The following RALGAPA2 variants were observed in gnomAD, a reference collection of about 807,000 sequenced individuals.
RALGAPA2 encodes the protein Ral GTPase activating protein catalytic subunit alpha 2.
RALGAPA2 carries 139 observed loss-of-function variants against 230.4 expected under a neutral mutation model. The ratio of observed to expected loss-of-function variants is 0.60; its 90% CI spans 0.53 to 0.69. The LOEUF (loss-of-function observed/expected upper bound fraction) is 0.69. Among genes scored for constraint, RALGAPA2 ranks in the 30% least tolerant of loss-of-function variants. The pLI is 0.00. For synonymous variants in RALGAPA2, 847 were observed against 837.8 expected (o/e 1.01, Z -0.19); for missense variants, 2,163 against 2,276.0 (o/e 0.95, Z 1.01).
chr20:20,428,410 A>G (rs1368875941), intron 37 of RALGAPA2, among the ~76,000 whole-genome samples: 1 of 152,244 alleles, frequency 6.6e-6, no homozygotes, highest in East Asian at 1.9e-4. Context: ...AGAAAAAAAA[A>G]TAGCCAAATT....
At chr20:20,502,805 T>C (rs547324155) in intron 35 of RALGAPA2, among the ~76,000 whole-genome samples, 1 of 152,362 alleles carries the variant, frequency 6.6e-6, no homozygotes, top group Non-Finnish European at 1.5e-5. Context: ...CAGAGTTAAA[T>C]GCCTCTTCTT....
intron 3 of RALGAPA2, chr20:20,659,861 C>CAG: frequency 6.9e-6 from 4 of 577,110 alleles, no homozygotes; most frequent in Non-Finnish European, 1.3e-5. Flanking sequence ...CCTGGACCAG[C>CAG]AGAGCATCCC....
At chr20:20,555,760 A>C (rs2064066217) in intron 23 of RALGAPA2, among the ~76,000 whole-genome samples, 1 of 152,182 alleles carries the variant, frequency 6.6e-6, no homozygotes. Context: ...TGTATCCTGC[A>C]ATCTTACATA....
At chr20:20,525,610 T>C (rs1290944575) in intron 28 of RALGAPA2, among the ~76,000 whole-genome samples, 2 of 152,194 alleles carry the variant, frequency 1.3e-5, no homozygotes, top group Non-Finnish European at 2.9e-5. Context: ...ACAGGGCATG[T>C]TTTTAAAGTG....
At chr20:20,465,928 T>C (rs189464091) in intron 37 of RALGAPA2, among the ~76,000 whole-genome samples, 53 of 152,364 alleles carry the variant, frequency 3.5e-4, no homozygotes, top group African/African-American at 1.2e-3. Context: ...AACAGAGGTT[T>C]GAAACTCCAG....
chr20:20,615,246 C>T (rs985161491), intron 13 of RALGAPA2, among the ~76,000 whole-genome samples: 2 of 151,654 alleles, frequency 1.3e-5, no homozygotes, highest in Non-Finnish European at 2.9e-5. Context: ...CTGCAACCTC[C>T]GCCTTCCGGG....
At chr20:20,510,197 G>A (rs2062660558) in intron 33 of RALGAPA2, among the ~76,000 whole-genome samples, 1 of 152,126 alleles carries the variant, frequency 6.6e-6, no homozygotes, top group Non-Finnish European at 1.5e-5. Flanking sequence ...TGACTTAGAT[G>A]AGAAACGTGA....
intron 14 of RALGAPA2, among the ~76,000 whole-genome samples, chr20:20,609,528 C>A (rs926983797): frequency 2.0e-5 from 3 of 151,884 alleles, no homozygotes; most frequent in African/African-American, 7.3e-5. Context: ...AACCAACCAA[C>A]CAACCAAAAA....
intron 16 of RALGAPA2, among the ~76,000 whole-genome samples, chr20:20,600,455 C>G (rs2065605107): frequency 6.6e-6 from 1 of 152,120 alleles, no homozygotes; most frequent in Admixed American, 6.5e-5. Context: ...AAGAAAGAAG[C>G]AGAATAGGCT....
chr20:20,599,712 C>G (rs1046769822), intron 16 of RALGAPA2, among the ~76,000 whole-genome samples: 13 of 152,154 alleles, frequency 8.5e-5, no homozygotes, highest in African/African-American at 2.7e-4. Context: ...AGGCTGGGAG[C>G]CTGTAATCCC....
chr20:20,571,627 G>A lies in RALGAPA2; in HGVS notation c.3001-14C>T. ...CAGTGTCGCCGCCTGTCAAGGAGAT[G>A]ATGTTTCCAGATTAAATCAAGCCCA... On this transcript the variant is annotated splice_polypyrimidine_tract_variant and intron_variant, in intron 22 of 39. Coordinates refer to ENST00000202677, the MANE Select transcript of RALGAPA2 (RefSeq NM_020343.4). The A allele has an allele frequency of 6.2e-7, 1 of 1,603,782 alleles. No homozygotes were observed. Among genetic ancestry groups the A allele is most frequent in the Non-Finnish European group, 8.5e-7 (1 of 1,175,062 alleles).
intron 4 of RALGAPA2, among the ~76,000 whole-genome samples, chr20:20,645,636 G>A (rs955355020): frequency 6.6e-6 from 1 of 152,130 alleles, no homozygotes; most frequent in South Asian, 2.1e-4. Flanking sequence ...AGTCTATTCT[G>A]TTGTAGTGAA....
intron 33 of RALGAPA2, among the ~76,000 whole-genome samples, chr20:20,506,913 T>C (rs1189092822): frequency 2.0e-5 from 3 of 152,182 alleles, no homozygotes; most frequent in Admixed American, 6.5e-5. Flanking sequence ...CTATGGTTTA[T>C]ATGCAATAAA....
At chr20:20,563,588 C>T (rs2064322357) in intron 23 of RALGAPA2, among the ~76,000 whole-genome samples, 2 of 152,158 alleles carry the variant, frequency 1.3e-5, no homozygotes, top group African/African-American at 2.4e-5. Context: ...CCCATTTGGC[C>T]TGTCCTATGC....
In RALGAPA2 at chr20:20,598,032, T is replaced by C. The variant is rs149182251; in HGVS notation, c.2203+3650A>G. Among the ~76,000 whole-genome samples the C allele has an allele frequency of 1.3e-4, 20 of 152,304 alleles. No homozygotes were observed. In the East Asian group the frequency reaches 3.7e-3, roughly 28 times the overall value. ...AGGTAAATCCTTCTGTTGAAGTAAGTAGGCCAAAAATGACTTTTGGTGCTA... is the reference window on the plus strand; with the variant it reads ...AGGTAAATCCTTCTGTTGAAGTAAGCAGGCCAAAAATGACTTTTGGTGCTA... On this transcript the variant is annotated intron_variant, in intron 16 of 39. Transcript: ENST00000202677.
chr20:20,457,675 C>T (rs1378182767), intron 37 of RALGAPA2, among the ~76,000 whole-genome samples: 1 of 152,230 alleles, frequency 6.6e-6, no homozygotes, highest in African/African-American at 2.4e-5. Flanking sequence ...TATTTCCACT[C>T]TCACCCTTGG....
At chr20:20,591,894 T>C (rs1019629095) in intron 16 of RALGAPA2, among the ~76,000 whole-genome samples, 2 of 152,218 alleles carry the variant, frequency 1.3e-5, no homozygotes, top group Non-Finnish European at 2.9e-5. Flanking sequence ...AAAACCAATA[T>C]ATATGAGACA....
In RALGAPA2 at chr20:20,698,779, T is replaced by C. The variant is rs140008233; in HGVS notation, c.106+13596A>G. Reference sequence around the variant, plus strand: ...TTCAAACAATGCTGCAAAGCACTTCTTGATGGTAGAATAGGCTTTTGCGAA... The same window carrying C: ...TTCAAACAATGCTGCAAAGCACTTCCTGATGGTAGAATAGGCTTTTGCGAA... On this transcript the variant is annotated intron_variant, in intron 1 of 39. Transcript: ENST00000202677. 1.2e-3 allele frequency among the ~76,000 whole-genome samples: 187 copies of C among 152,362 alleles called. 1 individual carries two copies. Among genetic ancestry groups the C allele is most frequent in the African/African-American group, 4.2e-3 (173 of 41,578 alleles).
intron 31 of RALGAPA2, among the ~76,000 whole-genome samples, chr20:20,520,467 T>C (rs756581689): frequency 8.5e-5 from 13 of 152,284 alleles, no homozygotes; most frequent in Non-Finnish European, 1.9e-4. Flanking sequence ...CAAGTAAATT[T>C]CCATCTCTTT....
Sources: allele counts gnomAD v4.1 joint callset (sites outside exome capture counted in the v4.1 genomes callset), GRCh38; gene constraint gnomAD v4.1.1; transcripts MANE v1.5; gene names NCBI Gene and HGNC (gene_info 2026-07-23, HGNC 2026-07-21).